Variants in NOX4 observed in about 807,000 individuals in gnomAD.
The protein encoded by NOX4 is kidney oxidase-1.
Under a neutral mutation model 87.6 loss-of-function variants are expected in NOX4, and 69 were observed. The observed-to-expected ratio is 0.79, with a 90% confidence interval of 0.65 to 0.96. The LOEUF (loss-of-function observed/expected upper bound fraction) is 0.96, where lower values mean the gene tolerates loss of function less well. Ranked by LOEUF, NOX4 falls within the 40% of genes least tolerant of loss-of-function variation. The probability of loss-of-function intolerance (pLI) is 0.00; values close to 1 mark genes in which losing one functional copy is unlikely to be tolerated. For missense variants in NOX4, 680 were observed against 681.5 expected, an observed-to-expected ratio of 1.00 and a Z score of 0.02; for synonymous variants, 275 against 238.2, an observed-to-expected ratio of 1.15 and a Z score of -1.42.
the NOX4 span, among the ~76,000 whole-genome samples, chr11:89,586,296 T>A: frequency 6.6e-6 from 1 of 152,210 alleles, no homozygotes. Context: ...CAGTCAGAAT[T>A]TATTGAGTAC....
chr11:89,480,403 A>C (rs1160145692), intron 2 of NOX4, among the ~76,000 whole-genome samples: 1 of 152,144 alleles, frequency 6.6e-6, no homozygotes, highest in Non-Finnish European at 1.5e-5. Flanking sequence ...ACATCTGTGA[A>C]ACTTAATTCT....
At chr11:89,417,300 G>A (rs1237215111) in intron 8 of NOX4, among the ~76,000 whole-genome samples, 1 of 152,090 alleles carries the variant, frequency 6.6e-6, no homozygotes, top group African/African-American at 2.4e-5. Context: ...CTCCTTCTGA[G>A]TTTTTCAAAA....
intron 12 of NOX4, among the ~76,000 whole-genome samples, chr11:89,372,944 A>T (rs1164865927): frequency 6.6e-6 from 1 of 151,958 alleles, no homozygotes. Context: ...TACTGAAGAC[A>T]AGTAAAGTAT....
At chr11:89,341,624 T>C (rs1946006731) in intron 14 of NOX4, among the ~76,000 whole-genome samples, 1 of 152,242 alleles carries the variant, frequency 6.6e-6, no homozygotes, top group African/African-American at 2.4e-5. Context: ...TTTACATTTC[T>C]CATTGCTTTC....
chr11:89,446,243 C>G (rs1205653898), intron 4 of NOX4, among the ~76,000 whole-genome samples: 2 of 152,112 alleles, frequency 1.3e-5, no homozygotes, highest in African/African-American at 4.8e-5. Context: ...GCAACAGAAA[C>G]TGTCATTCAT....
At chr11:89,417,027 C>A (rs762736727) in intron 8 of NOX4, among the ~76,000 whole-genome samples, 1 of 152,092 alleles carries the variant, frequency 6.6e-6, no homozygotes, top group Non-Finnish European at 1.5e-5. Flanking sequence ...CCAGAATTAT[C>A]ACATTATAGT....
the NOX4 span, among the ~76,000 whole-genome samples, chr11:89,562,480 C>T: frequency 2.0e-5 from 3 of 152,050 alleles, no homozygotes; most frequent in East Asian, 5.8e-4. Context: ...GTAACCTGCC[C>T]GTATCTCTCT....
intron 11 of NOX4, among the ~76,000 whole-genome samples, chr11:89,377,880 T>C (rs908385715): frequency 2.6e-5 from 4 of 152,222 alleles, no homozygotes; most frequent in African/African-American, 7.2e-5. Flanking sequence ...TAGACATTTA[T>C]ACCTGAAATT....
Position 89,335,954 on chromosome 11 carries a change from A to C in NOX4, c.1516-9T>G. ...TTTTCTCCAATTATCTTCTGCCAAA[A>C]AGAAAGCACTACATTATTCGATATT... On this transcript the variant is annotated splice_polypyrimidine_tract_variant and intron_variant, in intron 16 of 17. Transcript: ENST00000263317. 2.0e-6 allele frequency: 3 copies of C among 1,510,604 alleles called. 1 individual carries two copies. The South Asian group carries it at 3.5e-5, about 18-fold the overall frequency. 93.6% of individuals were successfully genotyped at this position (1,510,604 alleles called of 1,614,324 possible). A position where few individuals can be genotyped will look rare whatever the true frequency, so the allele number is the denominator to read the frequency against.
At chr11:89,471,855 C>T (rs1945959111) in intron 2 of NOX4, among the ~76,000 whole-genome samples, 1 of 152,176 alleles carries the variant, frequency 6.6e-6, no homozygotes. Flanking sequence ...TATTCTTCTG[C>T]CTCAGCCTAC....
chr11:89,530,544 G>T, the NOX4 span, among the ~76,000 whole-genome samples: 1,289 of 149,642 alleles, frequency 8.6e-3, 23 homozygotes, highest in African/African-American at 0.03. Flanking sequence ...AGTAGACATG[G>T]GGTTGCACTA....
At chr11:89,490,278 C>T (rs936596871) in intron 2 of NOX4, among the ~76,000 whole-genome samples, 180 bp downstream of exon 2, 2 of 152,190 alleles carry the variant, frequency 1.3e-5, no homozygotes, top group Non-Finnish European at 2.9e-5. Context: ...GAGAGTCAAT[C>T]TTTTTAACTT....
chr11:89,403,673 C>T (rs1253733288), intron 8 of NOX4, among the ~76,000 whole-genome samples: 8 of 151,950 alleles, frequency 5.3e-5, no homozygotes, highest in African/African-American at 1.9e-4. Context: ...ACCCGGGAGG[C>T]GGAGGTTGCG....
intron 12 of NOX4, among the ~76,000 whole-genome samples, chr11:89,370,293 A>C (rs1939346672): frequency 1.3e-5 from 2 of 151,894 alleles, no homozygotes; most frequent in Non-Finnish European, 2.9e-5. Flanking sequence ...TCCTTTATTG[A>C]ATATTTACTC....
intron 13 of NOX4, among the ~76,000 whole-genome samples, chr11:89,348,954 T>C (rs1946331752): frequency 6.6e-6 from 1 of 152,142 alleles, no homozygotes; most frequent in South Asian, 2.1e-4. Context: ...AAAGCACAAT[T>C]CCTGGATGTG....
At chr11:89,416,351 T>A (rs957290847) in intron 8 of NOX4, among the ~76,000 whole-genome samples, 37 of 152,170 alleles carry the variant, frequency 2.4e-4, no homozygotes, top group Non-Finnish European at 5.3e-4. Flanking sequence ...GAGGAGCAAG[T>A]GCCTCCCACC....
At chr11:89,475,921 C>T (rs1015610782) in intron 2 of NOX4, among the ~76,000 whole-genome samples, 1 of 152,012 alleles carries the variant, frequency 6.6e-6, no homozygotes, top group Non-Finnish European at 1.5e-5. Context: ...TTATGGTTTG[C>T]TTTTCTTGTG....
intron 12 of NOX4, among the ~76,000 whole-genome samples, chr11:89,355,669 G>A (rs1937990499): frequency 6.6e-6 from 1 of 152,090 alleles, no homozygotes; most frequent in African/African-American, 2.4e-5. Context: ...GTGTTGGAGA[G>A]GATGTTGATC....
chr11:89,560,099 GA>G, the NOX4 span, among the ~76,000 whole-genome samples: 3 of 151,920 alleles, frequency 2.0e-5, no homozygotes, highest in African/African-American at 4.8e-5. Context: ...GTCTTCATAA[GA>G]AAAGAGAAAT....
Sources: allele counts gnomAD v4.1 joint callset (sites outside exome capture counted in the v4.1 genomes callset), GRCh38; gene constraint gnomAD v4.1.1; transcripts MANE v1.5; gene names NCBI Gene and HGNC (gene_info 2026-07-23, HGNC 2026-07-21).